BTRC: variants seen among roughly 807,000 people sequenced by gnomAD.
The protein encoded by BTRC is beta-transducin repeat containing E3 ubiquitin protein ligase.
Under a neutral mutation model 85.5 loss-of-function variants are expected in BTRC, and 42 were observed. That is an observed-to-expected ratio of 0.49 (90% CI 0.38 to 0.64). The LOEUF (loss-of-function observed/expected upper bound fraction) is 0.64, where lower values mean the gene tolerates loss of function less well. Ranked by LOEUF, BTRC falls within the 30% of genes least tolerant of loss-of-function variation. The probability of loss-of-function intolerance (pLI) is 0.00; values close to 1 mark genes in which losing one functional copy is unlikely to be tolerated. For missense variants in BTRC, 594 were observed against 743.5 expected (o/e 0.80, Z 2.34); for synonymous variants, 255 against 263.3 (o/e 0.97, Z 0.30).
intron 2 of BTRC, among the ~76,000 whole-genome samples, chr10:101,450,735 A>G (rs1003728657): frequency 1.3e-5 from 2 of 152,150 alleles, no homozygotes; most frequent in Non-Finnish European, 2.9e-5. Flanking sequence ...GCTGCCCCCC[A>G]GGACTCGTAA....
intron 2 of BTRC, among the ~76,000 whole-genome samples, chr10:101,442,728 GC>G (rs1944720307): frequency 3.9e-5 from 6 of 151,920 alleles, no homozygotes; most frequent in Admixed American, 3.9e-4. Context: ...AAATGTCTTA[GC>G]ATCATAGAAA....
At chr10:101,460,066 A>T in intron 2 of BTRC, among the ~76,000 whole-genome samples, 1 of 152,036 alleles carries the variant, frequency 6.6e-6, no homozygotes. Flanking sequence ...TGAATTAAAC[A>T]GGTTTAGTTT....
intron 1 of BTRC, among the ~76,000 whole-genome samples, chr10:101,407,519 T>G (rs1230977486): frequency 1.3e-5 from 2 of 151,990 alleles, no homozygotes; most frequent in South Asian, 4.2e-4. Context: ...TTCAAGTGAT[T>G]CTCGTGGACT....
At chr10:101,462,832 A>G in intron 3 of BTRC, among the ~76,000 whole-genome samples, 1 of 152,088 alleles carries the variant, frequency 6.6e-6, no homozygotes, top group East Asian at 1.9e-4. Flanking sequence ...GCCAGAGAAT[A>G]AGTGTGCCAC....
At chr10:101,364,242 C>T (rs1340436563) in intron 1 of BTRC, among the ~76,000 whole-genome samples, 3 of 152,048 alleles carry the variant, frequency 2.0e-5, no homozygotes, top group African/African-American at 7.2e-5. Context: ...TTGGATACTC[C>T]TAGAATCATA....
chr10:101,392,963 A>G (rs1314216851), intron 1 of BTRC, among the ~76,000 whole-genome samples: 1 of 152,102 alleles, frequency 6.6e-6, no homozygotes, highest in Non-Finnish European at 1.5e-5. Flanking sequence ...TCAGCCGCAG[A>G]CCTCAGGAAA....
intron 9 of BTRC, among the ~76,000 whole-genome samples, chr10:101,534,129 G>A (rs1249093629): frequency 6.6e-6 from 1 of 152,092 alleles, no homozygotes; most frequent in Non-Finnish European, 1.5e-5. Context: ...ATTTACAATG[G>A]GGGGTCTATT....
At chr10:101,505,134 T>TATATATGTATATATATGTGTATAA (rs1946492686) in intron 4 of BTRC, among the ~76,000 whole-genome samples, 1 of 77,562 alleles carries the variant, frequency 1.3e-5, no homozygotes, top group Non-Finnish European at 3.3e-5. Context: ...TATGTGTATA[T>TATATATGTATATATATGTGTATAA]ATATGTATAT....
At chr10:101,358,800 G>A (rs565857718) in intron 1 of BTRC, among the ~76,000 whole-genome samples, 2 of 152,172 alleles carry the variant, frequency 1.3e-5, no homozygotes, top group South Asian at 4.1e-4. Context: ...CCTAGATTTG[G>A]AAGTCCAAGA....
chr10:101,381,069 G>A (rs1942916076), intron 1 of BTRC, among the ~76,000 whole-genome samples: 1 of 152,192 alleles, frequency 6.6e-6, no homozygotes, highest in South Asian at 2.1e-4. Flanking sequence ...TGACTGAAGT[G>A]TCAGGGGGTG....
chr10:101,369,279 G>A (rs1942566701), intron 1 of BTRC, among the ~76,000 whole-genome samples: 1 of 151,366 alleles, frequency 6.6e-6, no homozygotes, highest in East Asian at 1.9e-4. Flanking sequence ...GAGTACACTG[G>A]TGTGATCATA....
intron 6 of BTRC, 138 bp downstream of exon 6, chr10:101,526,337 CAG>C (rs757745628): frequency 2.6e-6 from 2 of 768,932 alleles, no homozygotes; most frequent in African/African-American, 3.5e-5. Context: ...TAAAATGTAA[CAG>C]AGAACAAATG....
rs1392302927 is a variant in BTRC, at chr10:101,421,617, TC to T, written c.49-8722del. Among the ~76,000 whole-genome samples, 4 of 63,410 alleles carry T rather than the reference TC, an allele frequency of 6.3e-5. No homozygotes were observed. In the Admixed American group the frequency reaches 7.2e-4, roughly 11 times the overall value. The allele number at this position is 63,410 out of a possible 152,430, so 41.6% of individuals were successfully genotyped here. The stretch of plus-strand genomic sequence containing the variant: ...ATCTCCTAATGCTATCCCTCCCCCC[TC>T]CCCCCTCCCCCCACCCCACAACAGG... On this transcript the variant is annotated intron_variant, in intron 1 of 14. Coordinates refer to ENST00000370187, the MANE Select transcript of BTRC (RefSeq NM_033637.4).
intron 3 of BTRC, among the ~76,000 whole-genome samples, chr10:101,475,953 A>ATATATATATATATAT (rs1265691229): frequency 7.5e-6 from 1 of 133,806 alleles, no homozygotes; most frequent in Non-Finnish European, 1.6e-5. Flanking sequence ...ATATATATAT[A>ATATATATATATATAT]TTCAGTAATT....
chr10:101,407,264 C>T (rs1943652261), intron 1 of BTRC, among the ~76,000 whole-genome samples: 4 of 152,122 alleles, frequency 2.6e-5, no homozygotes, highest in Admixed American at 1.3e-4. Context: ...AGGAGGATCT[C>T]TTGAGCTCAG....
chr10:101,527,826 A>G (rs1303429767), intron 6 of BTRC, among the ~76,000 whole-genome samples: 1 of 152,014 alleles, frequency 6.6e-6, no homozygotes, highest in Non-Finnish European at 1.5e-5. Context: ...ACACAAAAGA[A>G]TATTATTACT....
Position 101,444,850 on chromosome 10 carries a change from T to C in BTRC, c.156+14398T>C, listed in dbSNP as rs111914920. ...GAACAAATTTCCTTTCTCAAGAGCA[T>C]GGCTGTAAGTGCACAGATTTCAGGT... is the stretch of plus-strand genomic sequence containing the variant. On this transcript the variant is annotated intron_variant, in intron 2 of 14. Transcript: ENST00000370187. Among the ~76,000 whole-genome samples, 756 of 152,284 alleles carry C rather than the reference T, an allele frequency of 5.0e-3. 8 individuals are homozygous for C. The highest frequency in any genetic ancestry group is 0.017 in the African/African-American group (712 of 41,572).
intron 5 of BTRC, among the ~76,000 whole-genome samples, chr10:101,522,377 CAAAAAAAAA>C (rs377683037): frequency 6.1e-5 from 3 of 49,320 alleles, no homozygotes; most frequent in African/African-American, 1.8e-4. Flanking sequence ...CAAAAAAAAA[CAAAAAAAAA>C]AAAACTCTAG....
intron 1 of BTRC, among the ~76,000 whole-genome samples, chr10:101,384,840 A>G (rs1943025771): frequency 6.6e-6 from 1 of 152,208 alleles, no homozygotes; most frequent in South Asian, 2.1e-4. Context: ...TCAACTGAGG[A>G]CAAGACATAG....
Sources: allele counts gnomAD v4.1 joint callset (sites outside exome capture counted in the v4.1 genomes callset), GRCh38; gene constraint gnomAD v4.1.1; transcripts MANE v1.5; gene names NCBI Gene and HGNC (gene_info 2026-07-23, HGNC 2026-07-21).